TNFRSF10B: variants seen among roughly 807,000 people sequenced by gnomAD.
TNFRSF10B encodes TNF receptor superfamily member 10b.
TNFRSF10B carries 35 observed loss-of-function variants against 41.4 expected under a neutral mutation model. The ratio of observed to expected loss-of-function variants is 0.85; its 90% CI spans 0.65 to 1.12. The LOEUF is 1.12. Among genes scored for constraint, TNFRSF10B ranks in the 50% most tolerant of loss-of-function variants. The pLI is 0.00. For missense variants in TNFRSF10B, 584 were observed against 552.7 expected, an observed-to-expected ratio of 1.06 and a Z score of -0.57; for synonymous variants, 230 against 215.5, an observed-to-expected ratio of 1.07 and a Z score of -0.59.
intron 3 of TNFRSF10B, 58 bp downstream of exon 3, chr8:23,030,701 A>C: frequency 7.3e-7 from 1 of 1,360,906 alleles, no homozygotes; most frequent in Non-Finnish European, 1.0e-6. Context: ...TTTAGCTACA[A>C]CTTTTATGTC....
rs1811636891 is a variant in TNFRSF10B at position 23,024,321 on chromosome 8, C to A, written c.937-61G>T. The A allele has an allele frequency of 3.1e-5, 50 of 1,593,652 alleles. No individual in the cohort carries two copies. The South Asian group carries it at 4.5e-4, about 14-fold the overall frequency. ...CAGGAGTCCTACAGTCCAGTACTGACCCCGACCACCAGCCAGCTCTGAGAC... is the reference window on the plus strand; with the variant it reads ...CAGGAGTCCTACAGTCCAGTACTGAACCCGACCACCAGCCAGCTCTGAGAC... On this transcript the variant is annotated intron_variant, in intron 7 of 8. Coordinates refer to ENST00000276431, the MANE Select transcript of TNFRSF10B (RefSeq NM_003842.5).
At chr8:23,048,456 A>C (rs1164836892) in intron 1 of TNFRSF10B, among the ~76,000 whole-genome samples, 1 of 148,468 alleles carries the variant, frequency 6.7e-6, no homozygotes, top group Non-Finnish European at 1.5e-5. Context: ...AAAAAAAAAA[A>C]CAACTGAACT....
intron 1 of TNFRSF10B, among the ~76,000 whole-genome samples, chr8:23,062,127 T>C (rs965520833): frequency 1.3e-5 from 2 of 152,222 alleles, no homozygotes; most frequent in African/African-American, 4.8e-5. Flanking sequence ...ATTAAAAGCT[T>C]GTTAGAATTC....
chr8:23,063,216 C>A (rs1202846213), intron 1 of TNFRSF10B, among the ~76,000 whole-genome samples: 2 of 152,040 alleles, frequency 1.3e-5, no homozygotes, highest in Admixed American at 1.3e-4. Flanking sequence ...GGTGTGGTGG[C>A]AAGCGCCTGT....
At chr8:23,052,492 C>T (rs1029167964) in intron 1 of TNFRSF10B, among the ~76,000 whole-genome samples, 6 of 151,742 alleles carry the variant, frequency 4.0e-5, no homozygotes, top group South Asian at 2.1e-4. Context: ...TTCACCGTGT[C>T]AGCCAGGATG....
At position 23,028,555 on chromosome 8, in the gene TNFRSF10B, T is replaced by A; in HGVS notation, c.524A>T (p.Asp175Val). The stretch of plus-strand genomic sequence containing the variant: ...TGATTCTTTGTGGACACATTCGATG[T>A]CACTCCAGGGTGTACAATCACCGAC... ...VKVGDCTPWS[D>V]IECVHKESGT... is the part of the protein sequence containing the mutation. The change falls in exon 5 of 9, where the codon GAC becomes GTC. Residue 175 changes from aspartate to valine, a missense_variant. By Grantham distance (152) the Asp-to-Val change is radical. Transcript: ENST00000276431. The A allele has an allele frequency of 1.9e-6, 3 of 1,614,082 alleles. No individual in the cohort carries two copies. The highest frequency in any genetic ancestry group is 2.5e-6 in the Non-Finnish European group (3 of 1,179,976).
intron 1 of TNFRSF10B, among the ~76,000 whole-genome samples, chr8:23,048,457 C>T: frequency 8.8e-6 from 1 of 114,056 alleles, no homozygotes; most frequent in East Asian, 2.5e-4. Flanking sequence ...AAAAAAAAAA[C>T]AACTGAACTC....
rs745655468 is a variant in TNFRSF10B, at chr8:23,022,891, A to G, written c.1103T>C (p.Ile368Thr). The change falls in exon 9 of 9, where the codon ATA becomes ACA. Residue 368 changes from isoleucine (I) to threonine (T), a missense_variant. Transcript: ENST00000276431. Reference sequence around the variant, plus strand: ...CGCTGCCTCAGCTTTAGCCACCTTTATCTCATTGTCCATGAGGCCCAACTT... The same window carrying G: ...CGCTGCCTCAGCTTTAGCCACCTTTGTCTCATTGTCCATGAGGCCCAACTT... ...MRKLGLMDNEIKVAKAEAAGH... is the reference protein window; with the variant it reads ...MRKLGLMDNETKVAKAEAAGH... 6 of 1,614,024 alleles carry G rather than the reference A, an allele frequency of 3.7e-6. No homozygotes were observed. The highest frequency in any genetic ancestry group is 4.2e-6 in the Non-Finnish European group (5 of 1,179,998).
At chr8:23,056,430 C>G (rs1414811735) in intron 1 of TNFRSF10B, among the ~76,000 whole-genome samples, 1 of 152,068 alleles carries the variant, frequency 6.6e-6, no homozygotes, top group African/African-American at 2.4e-5. Flanking sequence ...GGCGGGCGAT[C>G]ATTTGAGGGC....
intron 1 of TNFRSF10B, among the ~76,000 whole-genome samples, chr8:23,052,347 A>G (rs1164768411): frequency 2.1e-5 from 3 of 142,184 alleles, no homozygotes; most frequent in African/African-American, 8.0e-5. Context: ...GTGCAGTGGC[A>G]CAATTACTGC....
At chr8:23,032,140 C>T (rs532970198) in intron 2 of TNFRSF10B, among the ~76,000 whole-genome samples, 14 of 152,224 alleles carry the variant, frequency 9.2e-5, no homozygotes, top group Admixed American at 7.2e-4. Context: ...CTCCAGACCT[C>T]GTGATCCACC....
intron 1 of TNFRSF10B, among the ~76,000 whole-genome samples, chr8:23,058,438 A>G (rs1183613153): frequency 1.3e-5 from 2 of 151,204 alleles, no homozygotes; most frequent in East Asian, 3.9e-4. Context: ...TCTTACCTGT[A>G]TATTTAATGT....
In TNFRSF10B at chr8:23,027,761, A is replaced by G. The variant is rs909276979; in HGVS notation, c.749-8T>C. The G allele has an allele frequency of 1.2e-6, 2 of 1,614,068 alleles. No homozygotes were observed. Among genetic ancestry groups the G allele is most frequent in the Non-Finnish European group, 1.7e-6 (2 of 1,179,992 alleles). ...CAGGGTCCCCACCACCACCTAAAAA[A>G]GAAGCAGTCTCCTTAGCAGGAAGGG... On this transcript the variant is annotated splice_polypyrimidine_tract_variant and splice_region_variant and intron_variant, in intron 5 of 8. Transcript: ENST00000276431.
intron 1 of TNFRSF10B, among the ~76,000 whole-genome samples, chr8:23,067,338 C>G (rs1813017159): frequency 1.3e-5 from 2 of 151,988 alleles, no homozygotes; most frequent in Admixed American, 1.3e-4. Context: ...ACCCCAAATC[C>G]AAGAAATTCA....
intron 7 of TNFRSF10B, among the ~76,000 whole-genome samples, chr8:23,026,276 G>A (rs959609555): frequency 6.9e-6 from 1 of 145,464 alleles, no homozygotes; most frequent in African/African-American, 2.5e-5. Flanking sequence ...GTTTTTTTTT[G>A]TTTGTTTGTT....
intron 1 of TNFRSF10B, among the ~76,000 whole-genome samples, chr8:23,046,501 T>C (rs1388844209): frequency 6.6e-6 from 1 of 151,930 alleles, no homozygotes; most frequent in Non-Finnish European, 1.5e-5. Context: ...CTAATATTGT[T>C]AAAATGTCCA....
chr8:23,056,272 T>C (rs970406929), intron 1 of TNFRSF10B, among the ~76,000 whole-genome samples: 22 of 152,234 alleles, frequency 1.4e-4, no homozygotes, highest in Admixed American at 1.4e-3. Flanking sequence ...ATTACCTTAA[T>C]GCCCAACTTT....
chr8:23,043,376 A>C, intron 1 of TNFRSF10B, 133 bp from the exon 2 acceptor site: 1 of 693,848 alleles, frequency 1.4e-6, no homozygotes, highest in Non-Finnish European at 2.6e-6. Flanking sequence ...CTCACCTCTC[A>C]AACATCCTTT....
At chr8:23,055,416 C>T (rs1188673696) in intron 1 of TNFRSF10B, among the ~76,000 whole-genome samples, 2 of 151,618 alleles carry the variant, frequency 1.3e-5, no homozygotes, top group East Asian at 1.9e-4. Context: ...AGAAATCATG[C>T]GCAAATTGAC....
Sources: allele counts gnomAD v4.1 joint callset (sites outside exome capture counted in the v4.1 genomes callset), GRCh38; gene constraint gnomAD v4.1.1; transcripts MANE v1.5; gene names NCBI Gene and HGNC (gene_info 2026-07-23, HGNC 2026-07-21).